Variants in BPIFB3 observed in about 807,000 individuals in gnomAD.
The protein encoded by BPIFB3 is BPI fold containing family B member 3, also known as BPI fold-containing family B member 3.
BPIFB3 carries 49 observed loss-of-function variants against 53.1 expected under a neutral mutation model. That is an observed-to-expected ratio of 0.92 (90% CI 0.73 to 1.17). The LOEUF is 1.17. BPIFB3 is among the 50% of genes most tolerant of loss of function. The pLI is 0.00. For missense variants in BPIFB3, 628 were observed against 592.5 expected, an observed-to-expected ratio of 1.06 and a Z score of -0.62; for synonymous variants, 271 against 269.6, an observed-to-expected ratio of 1.01 and a Z score of -0.05.
downstream of BPIFB3, chr20:33,073,748 G>C (rs965048422): frequency 1.1e-6 from 1 of 927,704 alleles, no homozygotes; most frequent in Non-Finnish European, 1.7e-6. Context: ...CAAGTTTGGG[G>C]TGGGAACTGC....
At chr20:33,059,255 A>G (rs1980339665) in intron 2 of BPIFB3, 123 bp from the exon 4 acceptor site, 4 of 662,632 alleles carry the variant, frequency 6.0e-6, no homozygotes, top group Non-Finnish European at 1.1e-5. Context: ...TGATGGGCCA[A>G]GGGCTCGCAG....
intron 4 of BPIFB3, among the ~76,000 whole-genome samples, chr20:33,060,314 AG>A (rs760061292): frequency 6.6e-6 from 1 of 152,196 alleles, no homozygotes; most frequent in Non-Finnish European, 1.5e-5. Flanking sequence ...GAGCGGGCCC[AG>A]GGTCAGCTGG....
At chr20:33,056,586 C>T (rs1305516828) in exon 2 of BPIFB3, 1 of 1,613,874 alleles carries the variant, frequency 6.2e-7, no homozygotes, top group Non-Finnish European at 8.5e-7. Context: ...GCAGAATGTG[C>T]TGGGATCGGT....
At chr20:33,071,445 G>A (rs1980887942) in intron 12 of BPIFB3, 150 bp downstream of exon 13, 1 of 871,436 alleles carries the variant, frequency 1.1e-6, no homozygotes, top group East Asian at 2.7e-5. Flanking sequence ...GCAAATATCA[G>A]GGCGGGTGTG....
intron 9 of BPIFB3, among the ~76,000 whole-genome samples, 180 bp downstream of exon 10, chr20:33,067,057 G>A (rs894082960): frequency 6.6e-6 from 1 of 152,226 alleles, no homozygotes; most frequent in Admixed American, 6.5e-5. Flanking sequence ...ATTTTGCTTA[G>A]AGAGTAAAGG....
At chr20:33,063,624 G>C (rs772902996) in exon 6 of BPIFB3, 1 of 1,614,078 alleles carries the variant, frequency 6.2e-7, no homozygotes, top group Admixed American at 1.7e-5. Context: ...GCTGTGCCCC[G>C]TGGTGGACAG....
At chr20:33,059,395 T>C in exon 3 of BPIFB3, 2 of 1,611,902 alleles carry the variant, frequency 1.2e-6, no homozygotes, top group Non-Finnish European at 1.7e-6. Context: ...ATTGAGGAGC[T>C]CACGCTGCCA....
At chr20:33,071,840 CAG>C in intron 12 of BPIFB3, among the ~76,000 whole-genome samples, 2 of 152,336 alleles carry the variant, frequency 1.3e-5, no homozygotes, top group Non-Finnish European at 1.5e-5. Flanking sequence ...CCAGCCCCAA[CAG>C]AGTCTTATAG....
Position 33,071,449 on chromosome 20 carries a change from G to A in BPIFB3, c.1260+154G>A, listed in dbSNP as rs180966595. ...AGCCAGAGTGGGCAAATATCAGGGCGGGTGTGCGTGAGAGAGAGCAGGGGG... is the reference window on the plus strand; with the variant it reads ...AGCCAGAGTGGGCAAATATCAGGGCAGGTGTGCGTGAGAGAGAGCAGGGGG... On this transcript the variant is annotated intron_variant, in intron 12 of 14. Coordinates refer to ENST00000375494, the Ensembl canonical transcript of BPIFB3. Among the ~76,000 whole-genome samples, 699 of 152,174 alleles carry A rather than the reference G, an allele frequency of 4.6e-3. 4 individuals are homozygous for A. The highest frequency in any genetic ancestry group is 6.6e-3 in the Non-Finnish European group (451 of 67,990).
At chr20:33,069,005 C>T (rs1364139258) in intron 10 of BPIFB3, 32 bp downstream of exon 11, 2 of 1,597,050 alleles carry the variant, frequency 1.3e-6, no homozygotes. Flanking sequence ...GGGGGCCCGG[C>T]ATTGGGGTTC....
intron 3 of BPIFB3, 58 bp from the exon 5 acceptor site, chr20:33,059,833 G>A: frequency 5.7e-6 from 9 of 1,584,578 alleles, no homozygotes; most frequent in Non-Finnish European, 7.7e-6. Flanking sequence ...ACCCTGGTGG[G>A]CGGGGCCAAG....
chr20:33,056,424 G>T (rs1318035605), intron 1 of BPIFB3, 118 bp from the exon 3 acceptor site: 3 of 1,335,664 alleles, frequency 2.2e-6, no homozygotes, highest in South Asian at 2.6e-5. Context: ...TGTAACCTCT[G>T]GGTTAATTCC....
At position 33,067,201 on chromosome 20, in the gene BPIFB3, A is replaced by C. The variant is rs138216372; in HGVS notation, c.978+324A>C. The stretch of plus-strand genomic sequence containing the variant: ...AACTGGCTTACTTCATCCTGACCTT[A>C]GTCTTCAATGTCCCCAGAGAAAAGA... On this transcript the variant is annotated intron_variant, in intron 9 of 14. Coordinates refer to ENST00000375494, the Ensembl canonical transcript of BPIFB3. Among the ~76,000 whole-genome samples the C allele has an allele frequency of 5.4e-4, 83 of 152,326 alleles. No homozygotes were observed. The East Asian group carries it at 0.014, about 27-fold the overall frequency.
At position 33,066,687 on chromosome 20, in the gene BPIFB3, C is replaced by G. The variant is rs931310046; in HGVS notation, c.925-137C>G. 11 of 791,840 alleles carry G rather than the reference C, an allele frequency of 1.4e-5. No homozygotes were observed. In the African/African-American group the frequency reaches 1.7e-4, roughly 12 times the overall value. 49.1% of individuals were successfully genotyped at this position (791,840 alleles called of 1,614,324 possible). On this transcript the variant is annotated intron_variant, in intron 8 of 14. Transcript: ENST00000375494. Reference sequence around the variant, plus strand: ...AGTAATTGCTAGCTGATAGAACAAACTTGAGTGTTTGTAGTGATATATGTA... The same window carrying G: ...AGTAATTGCTAGCTGATAGAACAAAGTTGAGTGTTTGTAGTGATATATGTA...
exon 12 of BPIFB3, chr20:33,071,256 C>A (rs1410622687): frequency 1.9e-6 from 3 of 1,564,378 alleles, no homozygotes; most frequent in Non-Finnish European, 2.6e-6. Flanking sequence ...CCACCAGGCT[C>A]AGTGTCAAGG....
Position 33,063,804 on chromosome 20 carries a change from A to AC in BPIFB3, c.652+130dup. On this transcript the variant is annotated intron_variant, in intron 6 of 14. Transcript: ENST00000375494. ...GGTCCTTTAGTTCCTCCTCACACTG[A>AC]CAGGCTGCCCCTTTGAGGAGCCTCA... 3 of 934,822 alleles carry AC rather than the reference A, an allele frequency of 3.2e-6. 1 individual carries two copies. The South Asian group carries it at 5.3e-5, about 17-fold the overall frequency. 57.9% of individuals were successfully genotyped at this position (934,822 alleles called of 1,614,324 possible).
At chr20:33,069,613 G>T (rs148646684) in intron 10 of BPIFB3, among the ~76,000 whole-genome samples, 1 of 152,118 alleles carries the variant, frequency 6.6e-6, no homozygotes, top group Admixed American at 6.5e-5. Context: ...TTCCCTCACC[G>T]TACAGCAGGC....
intron 2 of BPIFB3, 66 bp from the exon 4 acceptor site, chr20:33,059,312 A>G: frequency 7.9e-7 from 1 of 1,263,692 alleles, no homozygotes; most frequent in Non-Finnish European, 1.1e-6. Flanking sequence ...ACCAAGAGCC[A>G]CTCTGGGCGC....
At chr20:33,062,107 A>T (rs1183105682) in intron 5 of BPIFB3, among the ~76,000 whole-genome samples, 1 of 151,986 alleles carries the variant, frequency 6.6e-6, no homozygotes, top group South Asian at 2.1e-4. Flanking sequence ...CATTTGTATT[A>T]GTACCAACTT....
Sources: allele counts gnomAD v4.1 joint callset (sites outside exome capture counted in the v4.1 genomes callset), GRCh38; gene constraint gnomAD v4.1.1; transcripts MANE v1.5; gene names NCBI Gene and HGNC (gene_info 2026-07-23, HGNC 2026-07-21).